MARCHF4: variants seen among roughly 807,000 people sequenced by gnomAD.
The protein encoded by MARCHF4 is E3 ubiquitin-protein ligase MARCHF4.
Under a neutral mutation model 43.9 loss-of-function variants are expected in MARCHF4, and 14 were observed. That is an observed-to-expected ratio of 0.32 (90% CI 0.21 to 0.50). MARCHF4 has a LOEUF of 0.50. MARCHF4 is among the 20% of genes least tolerant of loss of function. The pLI is 0.98. For missense variants in MARCHF4, 468 were observed against 536.7 expected (o/e 0.87, Z 1.27); for synonymous variants, 226 against 213.3 (o/e 1.06, Z -0.52).
At chr2:216,262,659 C>T (rs1171543790) in intron 3 of MARCHF4, among the ~76,000 whole-genome samples, 1 of 151,894 alleles carries the variant, frequency 6.6e-6, no homozygotes, top group African/African-American at 2.4e-5. Context: ...TTGATTGGGG[C>T]TGGAGTGTGC....
At chr2:216,284,130 T>C (rs563943542) in intron 1 of MARCHF4, among the ~76,000 whole-genome samples, 1 of 152,110 alleles carries the variant, frequency 6.6e-6, no homozygotes, top group South Asian at 2.1e-4. Flanking sequence ...GCAACAGAGA[T>C]AACAAAAGCT....
At chr2:216,343,414 C>T (rs1310912320) in intron 1 of MARCHF4, among the ~76,000 whole-genome samples, 1 of 152,140 alleles carries the variant, frequency 6.6e-6, no homozygotes. Context: ...GGACACTAAT[C>T]CCATCATGGA....
At chr2:216,298,740 T>C (rs1275389508) in intron 1 of MARCHF4, among the ~76,000 whole-genome samples, 1 of 152,178 alleles carries the variant, frequency 6.6e-6, no homozygotes, top group Non-Finnish European at 1.5e-5. Context: ...ACACATAAAA[T>C]TCCCCCTAAA....
intron 1 of MARCHF4, among the ~76,000 whole-genome samples, chr2:216,332,159 G>A (rs1048536419): frequency 2.0e-5 from 3 of 152,186 alleles, no homozygotes; most frequent in African/African-American, 7.2e-5. Flanking sequence ...GGGAGGCCAA[G>A]GCGAAAGGAT....
At chr2:216,276,007 A>G (rs549646947) in intron 3 of MARCHF4, among the ~76,000 whole-genome samples, 33 of 152,360 alleles carry the variant, frequency 2.2e-4, no homozygotes, top group Non-Finnish European at 4.0e-4. Context: ...AGCCAACCTC[A>G]GCAGAACCAA....
In MARCHF4 at chr2:216,370,785, C is replaced by T. The variant is rs1206442269; in HGVS notation, c.-525G>A. 1 of 151,976 alleles carries T rather than the reference C, an allele frequency of 6.6e-6. No homozygotes were observed. Among genetic ancestry groups the T allele is most frequent in the Non-Finnish European group, 1.5e-5 (1 of 68,194 alleles). 9.4% of individuals were successfully genotyped at this position (151,976 alleles called of 1,614,324 possible). ...GAGCTGGGCTTAGAGAAAACTAGCT[C>T]AATGAAGAATTGAGGACTGCATGTG... On this transcript the variant is annotated 5_prime_UTR_variant, in exon 1 of 4. An upstream open reading frame in the 5' UTR loses its in-frame stop. Transcript: ENST00000273067.
At chr2:216,362,307 C>CTACCACACATATACTAGG (rs1692596736) in intron 1 of MARCHF4, among the ~76,000 whole-genome samples, 1 of 152,228 alleles carries the variant, frequency 6.6e-6, no homozygotes, top group South Asian at 2.1e-4. Context: ...AATATGTCTT[C>CTACCACACATATACTAGG]TACCACACAT....
rs115152484 is a variant in MARCHF4 at position 216,345,900 on chromosome 2, G to A, written c.516+23845C>T. On this transcript the variant is annotated intron_variant, in intron 1 of 3. Transcript: ENST00000273067. ...ACCCACCCCATGTAAAATCAAATAG[G>A]AGGGTCTCCGAGATCACACCTCCTT... Among the ~76,000 whole-genome samples the A allele has an allele frequency of 2.6e-3, 401 of 152,112 alleles. 3 individuals are homozygous for A. Among genetic ancestry groups the A allele is most frequent in the African/African-American group, 9.4e-3 (391 of 41,494 alleles).
At chr2:216,290,400 G>T (rs1018540260) in intron 1 of MARCHF4, among the ~76,000 whole-genome samples, 3 of 152,218 alleles carry the variant, frequency 2.0e-5, no homozygotes, top group African/African-American at 7.2e-5. Context: ...TGGTGTCTCT[G>T]GGGTAGAGTA....
intron 1 of MARCHF4, among the ~76,000 whole-genome samples, chr2:216,323,305 G>A (rs1283810441): frequency 6.6e-6 from 1 of 152,130 alleles, no homozygotes; most frequent in Non-Finnish European, 1.5e-5. Context: ...AGTTGGAGAG[G>A]TTTGTATGTA....
intron 3 of MARCHF4, chr2:216,265,427 C>T (rs6746086): frequency 0.049 from 7,441 of 152,286 alleles, 574 homozygotes; most frequent in African/African-American, 0.17. Flanking sequence ...GAATCCCACC[C>T]CCACTCCATG....
intron 2 of MARCHF4, among the ~76,000 whole-genome samples, chr2:216,278,390 A>C (rs1393703212): frequency 6.6e-6 from 1 of 151,946 alleles, no homozygotes; most frequent in Non-Finnish European, 1.5e-5. Context: ...TGCGTGGCTA[A>C]TTTTTTTGTA....
chr2:216,302,227 T>A lies in MARCHF4; in HGVS notation c.517-18498A>T, dbSNP rs547841464. 2.2e-3 allele frequency among the ~76,000 whole-genome samples: 339 copies of A among 151,066 alleles called. 2 individuals are homozygous for A. The highest frequency in any genetic ancestry group is 7.9e-3 in the African/African-American group (328 of 41,272). On this transcript the variant is annotated intron_variant, in intron 1 of 3. Transcript: ENST00000273067. ...TTTGATATTTATTTTCAAAAAAAAA[T>A]TTTTTTTTTGAGACGGAGTCTCGCT...
In MARCHF4 at chr2:216,257,902, GA is replaced by G. The variant is rs1291417142; in HGVS notation, c.*1409del. ...AAGTTTTATTTTCAAGCTTTTAAGAGAATATTACAAACAACAGAGAGTTTTA... is the reference window on the plus strand; with the variant it reads ...AAGTTTTATTTTCAAGCTTTTAAGAGATATTACAAACAACAGAGAGTTTTA... On this transcript the variant is annotated 3_prime_UTR_variant, in exon 4 of 4. Coordinates refer to ENST00000273067, the MANE Select transcript of MARCHF4 (RefSeq NM_020814.3). 6.6e-6 allele frequency: 1 copy of G among 152,038 alleles called. No homozygotes were observed. The highest frequency in any genetic ancestry group is 1.9e-4 in the East Asian group (1 of 5,182). 9.4% of individuals were successfully genotyped at this position (152,038 alleles called of 1,614,324 possible). A position where few individuals can be genotyped will look rare whatever the true frequency, so the allele number is the denominator to read the frequency against.
At position 216,370,528 on chromosome 2, in the gene MARCHF4, AGT is replaced by A; in HGVS notation, c.-270_-269del. The A allele has an allele frequency of 2.6e-6, 1 of 385,584 alleles. No individual in the cohort carries two copies. The highest frequency in any genetic ancestry group is 4.1e-5 in the East Asian group (1 of 24,360). 23.9% of individuals were successfully genotyped at this position (385,584 alleles called of 1,614,324 possible). A position where few individuals can be genotyped will look rare whatever the true frequency, so the allele number is the denominator to read the frequency against. ...CCCACCCCAACCTCCAACTTTGTTC[AGT>A]GTGTCTCCTTTCTGCTTTTGACCTG... On this transcript the variant is annotated 5_prime_UTR_variant, in exon 1 of 4. Coordinates refer to ENST00000273067, the MANE Select transcript of MARCHF4 (RefSeq NM_020814.3).
intron 1 of MARCHF4, among the ~76,000 whole-genome samples, chr2:216,330,546 C>A (rs1210219608): frequency 2.6e-5 from 4 of 152,098 alleles, no homozygotes; most frequent in African/African-American, 4.8e-5. Flanking sequence ...ACACTGTTCA[C>A]AATGATGACA....
chr2:216,323,420 C>A (rs997020231), intron 1 of MARCHF4, among the ~76,000 whole-genome samples: 3 of 152,164 alleles, frequency 2.0e-5, no homozygotes, highest in African/African-American at 7.2e-5. Context: ...AGAAAGTCAA[C>A]AAGGATACCC....
intron 1 of MARCHF4, among the ~76,000 whole-genome samples, chr2:216,368,816 A>G (rs993095659): frequency 6.6e-6 from 1 of 152,222 alleles, no homozygotes; most frequent in African/African-American, 2.4e-5. Flanking sequence ...GAGTGTTGCC[A>G]CATTCTATAG....
rs576615514 is a variant in MARCHF4 at position 216,341,682 on chromosome 2, C to T, written c.516+28063G>A. Among the ~76,000 whole-genome samples the T allele has an allele frequency of 1.3e-4, 20 of 152,318 alleles. No individual in the cohort carries two copies. The East Asian group carries it at 1.3e-3, about 10-fold the overall frequency. On this transcript the variant is annotated intron_variant, in intron 1 of 3. Transcript: ENST00000273067. Reference sequence around the variant, plus strand: ...GGAGGACAGCAACACCGGTGCCTCCCGATGGGAATCTTACTCTAAATCTTT... The same window carrying T: ...GGAGGACAGCAACACCGGTGCCTCCTGATGGGAATCTTACTCTAAATCTTT...
Sources: gnomAD v4.1 joint callset for allele counts (sites outside exome capture counted in the v4.1 genomes callset) on GRCh38, gnomAD v4.1.1 for gene constraint, MANE v1.5 for transcripts, NCBI Gene and HGNC (gene_info 2026-07-23, HGNC 2026-07-21) for gene names.